Variants in EDA observed in about 807,000 individuals in gnomAD.
EDA encodes ectodysplasin-A.
Under a neutral mutation model 23.6 loss-of-function variants are expected in EDA, and 2 were observed. The observed-to-expected ratio is 0.08, with a 90% CI of 0.03 to 0.27. The LOEUF is 0.27. EDA is among the 10% of genes least tolerant of loss of function. The pLI, the probability that EDA is intolerant of heterozygous loss-of-function variation, is 1.00. For missense variants in EDA, 229 were observed against 324.2 expected (o/e 0.71, Z 2.26); for synonymous variants, 131 against 132.0 (o/e 0.99, Z 0.05).
chrX:69,909,019 A>T (rs996070598), intron 1 of EDA, among the ~76,000 whole-genome samples: 1 of 110,902 alleles, frequency 9.0e-6, no homozygotes, highest in Non-Finnish European at 1.9e-5. Context: ...TATGATTACT[A>T]TCTCTACTGG....
At chrX:69,941,374 T>C (rs1473131523) in intron 1 of EDA, among the ~76,000 whole-genome samples, 2 of 111,609 alleles carry the variant, frequency 1.8e-5, no homozygotes, top group Non-Finnish European at 1.9e-5. Context: ...AGTGTTGAAG[T>C]CTCCATCTAT....
chrX:69,937,803 AACAAGTCTACATTAC>A (rs1251699760), intron 1 of EDA: 1 of 1,191,030 alleles, frequency 8.4e-7, no homozygotes, highest in African/African-American at 1.8e-5. Context: ...AATTATCTTT[AACAAGTCTACATTAC>A]ACCGCAATAG....
At chrX:69,765,135 CA>C (rs1279319656) in intron 1 of EDA, among the ~76,000 whole-genome samples, 1 of 111,465 alleles carries the variant, frequency 9.0e-6, no homozygotes, top group East Asian at 3.0e-4. Context: ...AGCACTCTCT[CA>C]AAAAAAGTTC....
intron 1 of EDA, among the ~76,000 whole-genome samples, chrX:69,912,769 C>CT (rs750059116): frequency 0.13 from 10,428 of 79,100 alleles, 1,283 homozygotes; most frequent in East Asian, 0.69. Flanking sequence ...TTTTTCTTTT[C>CT]TTTTTTTTTT....
intron 2 of EDA, among the ~76,000 whole-genome samples, chrX:69,993,680 A>G (rs2019620467): frequency 8.9e-6 from 1 of 111,860 alleles, no homozygotes. Context: ...GGAGTAGAAT[A>G]TGTGTTACAA....
chrX:69,687,263 G>GTT (rs75149963), intron 1 of EDA, among the ~76,000 whole-genome samples: 2 of 96,839 alleles, frequency 2.1e-5, no homozygotes, highest in African/African-American at 3.7e-5. Flanking sequence ...CAATTGAGTA[G>GTT]TTTTTTTTTT....
chrX:69,849,106 C>T (rs1157840447), intron 1 of EDA, among the ~76,000 whole-genome samples: 2 of 93,146 alleles, frequency 2.1e-5, no homozygotes, highest in African/African-American at 3.9e-5. Flanking sequence ...CACACACACA[C>T]ACACACACAC....
chrX:69,922,953 A>G (rs1372595121), intron 1 of EDA, among the ~76,000 whole-genome samples: 1 of 110,875 alleles, frequency 9.0e-6, no homozygotes, highest in Non-Finnish European at 1.9e-5. Context: ...TCTCATTACC[A>G]TCACCACACA....
chrX:70,030,293 A>G lies in EDA; in HGVS notation c.742-176A>G, dbSNP rs188531844. Among the ~76,000 whole-genome samples the G allele has an allele frequency of 5.4e-4, 61 of 112,278 alleles. No homozygotes were observed. The East Asian group carries it at 0.016, about 30-fold the overall frequency. ...CACATAGCTAGGAAGCGGTAGAGCTACAAAATCATATTACCCTCTAGTAGA... is the reference window on the plus strand; with the variant it reads ...CACATAGCTAGGAAGCGGTAGAGCTGCAAAATCATATTACCCTCTAGTAGA... On this transcript the variant is annotated intron_variant, in intron 5 of 7. Coordinates refer to ENST00000374552, the MANE Select transcript of EDA (RefSeq NM_001399.5).
chrX:69,681,412 A>G (rs1438285631), intron 1 of EDA, among the ~76,000 whole-genome samples: 1 of 110,918 alleles, frequency 9.0e-6, no homozygotes, highest in East Asian at 2.8e-4. Flanking sequence ...TATCCTGCAG[A>G]GTGTTTTCCA....
At chrX:69,696,253 C>G (rs1237727309) in intron 1 of EDA, among the ~76,000 whole-genome samples, 11 of 101,792 alleles carry the variant, frequency 1.1e-4, no homozygotes, top group Non-Finnish European at 1.4e-4. Flanking sequence ...AAAAAAAAAA[C>G]GTGGATCAAG....
At chrX:70,009,617 C>T (rs777501088) in intron 2 of EDA, among the ~76,000 whole-genome samples, 1 of 111,303 alleles carries the variant, frequency 9.0e-6, no homozygotes, top group Non-Finnish European at 1.9e-5. Flanking sequence ...TGCGGAGTCT[C>T]GCTCTGTCTC....
intron 1 of EDA, among the ~76,000 whole-genome samples, chrX:69,914,670 T>C (rs779909512): frequency 8.1e-5 from 9 of 111,262 alleles, no homozygotes; most frequent in Non-Finnish European, 1.7e-4. Context: ...AATAAATTAT[T>C]ATTAACTATA....
At chrX:69,793,543 G>T (rs1439493753) in intron 1 of EDA, among the ~76,000 whole-genome samples, 2 of 99,578 alleles carry the variant, frequency 2.0e-5, no homozygotes, top group Admixed American at 1.1e-4. Context: ...TGGTTGAATG[G>T]AGCTTTTTGT....
intron 1 of EDA, among the ~76,000 whole-genome samples, chrX:69,736,125 G>A (rs1489127064): frequency 2.7e-5 from 3 of 109,310 alleles, no homozygotes; most frequent in Middle Eastern, 4.8e-3. Context: ...TGACCAACAT[G>A]GTGAAACCCC....
chrX:69,650,462 A>T (rs1239477299), intron 1 of EDA, among the ~76,000 whole-genome samples: 1 of 111,463 alleles, frequency 9.0e-6, no homozygotes, highest in Non-Finnish European at 1.9e-5. Context: ...TGGTTAATGG[A>T]TACCAACATA....
chrX:69,937,862 T>C, intron 1 of EDA: 3 of 1,197,446 alleles, frequency 2.5e-6, no homozygotes, highest in Middle Eastern at 5.8e-4. Context: ...TCCTGAATCC[T>C]CCAGTGGGTC....
At chrX:69,898,118 G>C (rs1362958843) in intron 1 of EDA, among the ~76,000 whole-genome samples, 4 of 111,713 alleles carry the variant, frequency 3.6e-5, no homozygotes, top group Non-Finnish European at 7.5e-5. Context: ...CATTCTCAGA[G>C]GGTCTAGAAA....
At chrX:69,922,658 G>T (rs767448032) in intron 1 of EDA, among the ~76,000 whole-genome samples, 1 of 112,001 alleles carries the variant, frequency 8.9e-6, no homozygotes, top group East Asian at 2.8e-4. Context: ...CTTTCAAAGT[G>T]TTAGGCTTTT....
Sources: gnomAD v4.1 joint callset for allele counts (sites outside exome capture counted in the v4.1 genomes callset) on GRCh38, gnomAD v4.1.1 for gene constraint, MANE v1.5 for transcripts, NCBI Gene and HGNC (gene_info 2026-07-23, HGNC 2026-07-21) for gene names.